Variants in COL27A1 observed in about 807,000 individuals in gnomAD.
COL27A1 encodes the protein collagen alpha-1(XXVII) chain.
Under a neutral mutation model 251.3 loss-of-function variants are expected in COL27A1, and 106 were observed. The ratio of observed to expected loss-of-function variants is 0.42; its 90% CI spans 0.36 to 0.50. The LOEUF (loss-of-function observed/expected upper bound fraction) is 0.50. Ranked by LOEUF, COL27A1 falls within the 20% of genes least tolerant of loss-of-function variation. The pLI is 0.00. For missense variants in COL27A1, 2,325 were observed against 2,522.8 expected (o/e 0.92, Z 1.68); for synonymous variants, 1,000 against 986.3 (o/e 1.01, Z -0.26).
At chr9:114,200,972 C>T (rs1048494478) in intron 7 of COL27A1, among the ~76,000 whole-genome samples, 1 of 152,106 alleles carries the variant, frequency 6.6e-6, no homozygotes. Context: ...TCCCTAGGAC[C>T]CCCAGGCAAG....
At chr9:114,264,326 G>C (rs148611858) in intron 28 of COL27A1, 29 bp from the exon 29 acceptor site, 1 of 1,556,046 alleles carries the variant, frequency 6.4e-7, no homozygotes, top group Non-Finnish European at 8.7e-7. Flanking sequence ...CCTGCTGTCC[G>C]GTGTGCTAGT....
chr9:114,310,126 G>C (rs895794817), intron 60 of COL27A1, among the ~76,000 whole-genome samples: 1 of 152,098 alleles, frequency 6.6e-6, no homozygotes, highest in Non-Finnish European at 1.5e-5. Flanking sequence ...TAGGGAAAAG[G>C]GTGGGAGAGG....
Position 114,264,442 on chromosome 9 carries a change from C to T in COL27A1, c.3249+34C>T, listed in dbSNP as rs369058970. The T allele has an allele frequency of 1.6e-4, 232 of 1,487,590 alleles. No individual in the cohort carries two copies. In the African/African-American group the frequency reaches 2.9e-3, roughly 18 times the overall value. 92.1% of individuals were successfully genotyped at this position (1,487,590 alleles called of 1,614,324 possible). On this transcript the variant is annotated intron_variant, in intron 29 of 60. Transcript: ENST00000356083. ...CCCTAGGACCTGCCCTTCCTCACTCCTCCGACACTGGGTCAGGAATCGTGA... is the reference window on the plus strand; with the variant it reads ...CCCTAGGACCTGCCCTTCCTCACTCTTCCGACACTGGGTCAGGAATCGTGA...
intron 12 of COL27A1, chr9:114,217,743 C>G (rs1456064942): frequency 2.1e-6 from 1 of 470,056 alleles, no homozygotes. Context: ...GCCCTTGTCT[C>G]AAGGAGTTGC....
rs769776364 is a variant in COL27A1 at position 114,275,811 on chromosome 9, C to T, written c.3717+43C>T. ...TTGCAGCGCCTGGAGCTCTGGGGTA[C>T]CCTGAACTCTCATGCCTGTGCAGGC... On this transcript the variant is annotated intron_variant, in intron 37 of 60. Coordinates refer to ENST00000356083, the MANE Select transcript of COL27A1 (RefSeq NM_032888.4). The T allele has an allele frequency of 2.5e-4, 333 of 1,335,752 alleles. 2 individuals carry two copies. The highest frequency in any genetic ancestry group is 3.0e-4 in the Admixed American group (14 of 46,164). 82.7% of individuals were successfully genotyped at this position (1,335,752 alleles called of 1,614,324 possible).
intron 24 of COL27A1, among the ~76,000 whole-genome samples, chr9:114,248,841 A>G (rs1243075708): frequency 1.3e-5 from 2 of 152,234 alleles, no homozygotes; most frequent in Non-Finnish European, 2.9e-5. Flanking sequence ...TCTCTGGGCC[A>G]GTCAGGCAGG....
chr9:114,227,178 C>T (rs1024731230), intron 14 of COL27A1, among the ~76,000 whole-genome samples: 9 of 152,144 alleles, frequency 5.9e-5, no homozygotes, highest in African/African-American at 9.7e-5. Flanking sequence ...GGGCACCAGC[C>T]GTTCCCCACA....
At chr9:114,236,607 C>T (rs527878291) in intron 17 of COL27A1, among the ~76,000 whole-genome samples, 1 of 152,310 alleles carries the variant, frequency 6.6e-6, no homozygotes, top group South Asian at 2.1e-4. Flanking sequence ...CCTCGCTGGC[C>T]TGTCCTGACC....
chr9:114,254,408 G>C (rs1478851704), intron 27 of COL27A1, among the ~76,000 whole-genome samples: 1 of 152,102 alleles, frequency 6.6e-6, no homozygotes, highest in African/African-American at 2.4e-5. Flanking sequence ...ATTTGGAGCA[G>C]GTAGAACTTG....
At chr9:114,266,413 G>T in intron 32 of COL27A1, 152 bp from the exon 33 acceptor site, 1 of 605,874 alleles carries the variant, frequency 1.7e-6, no homozygotes, top group South Asian at 2.0e-5. Flanking sequence ...AGGGGCTGCA[G>T]ACACCAGGAC....
intron 49 of COL27A1, among the ~76,000 whole-genome samples, chr9:114,295,910 G>C (rs1029351675): frequency 3.9e-5 from 6 of 152,172 alleles, no homozygotes; most frequent in African/African-American, 1.4e-4. Context: ...GCCTCCCAAA[G>C]TGCTGGGATT....
intron 19 of COL27A1, 67 bp from the exon 20 acceptor site, chr9:114,240,153 A>G: frequency 7.1e-7 from 1 of 1,405,038 alleles, no homozygotes; most frequent in Non-Finnish European, 1.0e-6. Context: ...GTCTCCCTGC[A>G]AGACGCATCC....
chr9:114,165,236 C>T (rs1848748634), intron 2 of COL27A1, among the ~76,000 whole-genome samples: 1 of 152,198 alleles, frequency 6.6e-6, no homozygotes, highest in Non-Finnish European at 1.5e-5. Context: ...ACCATTATAA[C>T]ATGCTGCCAG....
At chr9:114,201,043 G>A (rs541728245) in intron 7 of COL27A1, among the ~76,000 whole-genome samples, 25 of 152,322 alleles carry the variant, frequency 1.6e-4, no homozygotes, top group African/African-American at 5.3e-4. Flanking sequence ...ACGGGGAGAC[G>A]GTTTGTAGCA....
rs560830297 is a variant in COL27A1, at chr9:114,240,383, G to C, written c.2782-51G>C. On this transcript the variant is annotated intron_variant, in intron 20 of 60. Coordinates refer to ENST00000356083, the MANE Select transcript of COL27A1 (RefSeq NM_032888.4). The stretch of plus-strand genomic sequence containing the variant: ...AGGGGTTGCCTTGCCAGCCTGCGAT[G>C]GAGATGGAGGTACCGCCTCTGAGAC... The C allele has an allele frequency of 3.1e-6, 5 of 1,601,910 alleles. No individual in the cohort carries two copies. The African/African-American group carries it at 6.7e-5, about 21-fold the overall frequency.
chr9:114,218,107 A>G, intron 12 of COL27A1: 1 of 252,460 alleles, frequency 4.0e-6, no homozygotes, highest in Non-Finnish European at 7.8e-6. Flanking sequence ...ACCCTGTATC[A>G]TGAAAAAAAA....
intron 12 of COL27A1, 24 bp downstream of exon 12, chr9:114,211,050 C>T (rs192124940): frequency 5.8e-5 from 94 of 1,613,570 alleles, no homozygotes; most frequent in East Asian, 2.0e-4. Context: ...GTGTCTATTA[C>T]GCAGACTCTA....
intron 12 of COL27A1, among the ~76,000 whole-genome samples, chr9:114,213,503 A>G (rs1282913760): frequency 6.6e-6 from 1 of 152,212 alleles, no homozygotes; most frequent in Admixed American, 6.5e-5. Flanking sequence ...TGTTGAATAT[A>G]TTACTCTATG....
intron 1 of COL27A1, among the ~76,000 whole-genome samples, chr9:114,160,949 G>A (rs371966190): frequency 1.2e-4 from 18 of 152,198 alleles, no homozygotes; most frequent in African/African-American, 3.6e-4. Context: ...CATCACTGGC[G>A]TCTGAGTGCT....
Sources: gnomAD v4.1 joint callset for allele counts (sites outside exome capture counted in the v4.1 genomes callset) on GRCh38, gnomAD v4.1.1 for gene constraint, MANE v1.5 for transcripts, NCBI Gene and HGNC (gene_info 2026-07-23, HGNC 2026-07-21) for gene names.